The following THSD7B variants were observed in gnomAD, a reference collection of about 807,000 sequenced individuals.
THSD7B encodes the protein thrombospondin type-1 domain-containing protein 7B.
Under a neutral mutation model 213.6 loss-of-function variants are expected in THSD7B, and 138 were observed. The observed-to-expected ratio is 0.65, with a 90% confidence interval of 0.56 to 0.74. THSD7B has a LOEUF of 0.74. Ranked by LOEUF, THSD7B falls within the 30% of genes least tolerant of loss-of-function variation. The pLI is 0.00. For synonymous variants in THSD7B, 742 were observed against 687.0 expected (o/e 1.08, Z -1.25); for missense variants, 1,931 against 1,991.5 (o/e 0.97, Z 0.58).
At chr2:137,560,244 A>G (rs1272942244) in intron 15 of THSD7B, among the ~76,000 whole-genome samples, 1 of 152,176 alleles carries the variant, frequency 6.6e-6, no homozygotes, top group Non-Finnish European at 1.5e-5. Context: ...TCATGCTGCT[A>G]TAAAGACACA....
intron 3 of THSD7B, among the ~76,000 whole-genome samples, chr2:137,058,295 T>C (rs1234179465): frequency 6.6e-6 from 1 of 152,206 alleles, no homozygotes; most frequent in African/African-American, 2.4e-5. Flanking sequence ...GCCTACTTCT[T>C]TGAAGTCCAG....
At chr2:137,541,904 C>A (rs1260241797) in intron 15 of THSD7B, among the ~76,000 whole-genome samples, 2 of 151,140 alleles carry the variant, frequency 1.3e-5, no homozygotes, top group Non-Finnish European at 3.0e-5. Context: ...ATGATCTAGT[C>A]TGAGGAACAA....
chr2:137,027,175 T>C (rs1686571278), intron 2 of THSD7B, among the ~76,000 whole-genome samples: 1 of 152,236 alleles, frequency 6.6e-6, no homozygotes, highest in Non-Finnish European at 1.5e-5. Context: ...AAGCCCACAC[T>C]TCTATATTTT....
chr2:137,665,100 A>G (rs191988652), intron 26 of THSD7B, among the ~76,000 whole-genome samples: 32 of 152,322 alleles, frequency 2.1e-4, no homozygotes, highest in Admixed American at 1.7e-3. Flanking sequence ...TGCTTCCCCT[A>G]TGTGTCTGGG....
intron 15 of THSD7B, among the ~76,000 whole-genome samples, chr2:137,551,211 G>A (rs1045952501): frequency 6.6e-6 from 1 of 151,926 alleles, no homozygotes; most frequent in African/African-American, 2.4e-5. Context: ...TTAGGGCATA[G>A]CCTTTTTGTT....
chr2:137,496,478 T>C (rs2105129391), intron 15 of THSD7B, among the ~76,000 whole-genome samples: 1 of 152,322 alleles, frequency 6.6e-6, no homozygotes, highest in Non-Finnish European at 1.5e-5. Context: ...CTTTTTGTTT[T>C]GTGTGCATTT....
chr2:136,893,063 T>C (rs539155357), intron 2 of THSD7B, among the ~76,000 whole-genome samples: 1 of 152,324 alleles, frequency 6.6e-6, no homozygotes, highest in Admixed American at 6.5e-5. Context: ...ACCTATGTCA[T>C]GTCTTCCACA....
At chr2:136,993,163 G>A (rs896498727) in intron 2 of THSD7B, among the ~76,000 whole-genome samples, 2 of 152,180 alleles carry the variant, frequency 1.3e-5, no homozygotes, top group African/African-American at 4.8e-5. Context: ...AACCAAGAAG[G>A]TGCTTCAGAT....
intron 17 of THSD7B, among the ~76,000 whole-genome samples, chr2:137,593,977 G>C (rs906854664): frequency 6.6e-6 from 1 of 151,888 alleles, no homozygotes; most frequent in African/African-American, 2.4e-5. Flanking sequence ...ATTTTAGGTT[G>C]AGTCCTTTCG....
At chr2:137,191,380 ATTG>A (rs1040855339) in intron 7 of THSD7B, among the ~76,000 whole-genome samples, 7 of 151,918 alleles carry the variant, frequency 4.6e-5, no homozygotes, top group Non-Finnish European at 8.8e-5. Context: ...TTGCATTTTT[ATTG>A]TTCTCTTGCT....
At chr2:137,156,274 A>G (rs1308612728) in intron 5 of THSD7B, 1 of 152,216 alleles carries the variant, frequency 6.6e-6, no homozygotes, top group Non-Finnish European at 1.5e-5. Flanking sequence ...TGATAGAGAC[A>G]GGCTGACCCA....
intron 15 of THSD7B, among the ~76,000 whole-genome samples, chr2:137,492,517 A>G (rs1679437031): frequency 6.6e-6 from 1 of 152,196 alleles, no homozygotes; most frequent in African/African-American, 2.4e-5. Flanking sequence ...TCTGCCCTCA[A>G]TACTTTTCCT....
At chr2:137,223,125 A>G (rs1681408233) in intron 7 of THSD7B, among the ~76,000 whole-genome samples, 1 of 152,108 alleles carries the variant, frequency 6.6e-6, no homozygotes, top group Admixed American at 6.5e-5. Flanking sequence ...TAGTCCTGAA[A>G]TTCCTGAGTG....
At chr2:137,036,485 G>A (rs1463794695) in intron 2 of THSD7B, among the ~76,000 whole-genome samples, 1 of 152,086 alleles carries the variant, frequency 6.6e-6, no homozygotes, top group East Asian at 1.9e-4. Context: ...GTCAAAGACT[G>A]GTTATTCATT....
chr2:136,879,619 A>C (rs1558836020), intron 1 of THSD7B, among the ~76,000 whole-genome samples: 1 of 152,056 alleles, frequency 6.6e-6, no homozygotes, highest in Non-Finnish European at 1.5e-5. Flanking sequence ...GTTCTCCTTG[A>C]AGAGGTCCTT....
chr2:137,587,594 AG>A (rs1000996541), intron 17 of THSD7B, among the ~76,000 whole-genome samples: 4 of 152,206 alleles, frequency 2.6e-5, no homozygotes, highest in African/African-American at 9.6e-5. Context: ...AGTTTGCTGG[AG>A]GTCCACTCCA....
intron 2 of THSD7B, among the ~76,000 whole-genome samples, chr2:137,009,025 A>T (rs1686174347): frequency 6.6e-6 from 1 of 152,208 alleles, no homozygotes; most frequent in African/African-American, 2.4e-5. Flanking sequence ...GAACAGAATA[A>T]ATTAAAAATC....
At chr2:136,854,873 C>G (rs1222040852) in intron 1 of THSD7B, among the ~76,000 whole-genome samples, 1 of 152,076 alleles carries the variant, frequency 6.6e-6, no homozygotes, top group Admixed American at 6.6e-5. Context: ...TGTAGCGTCT[C>G]TCTCCCCCAT....
intron 12 of THSD7B, among the ~76,000 whole-genome samples, chr2:137,296,903 CCTCAACTGAAAAGACAT>C (rs1683478407): frequency 6.6e-6 from 1 of 151,874 alleles, no homozygotes; most frequent in Admixed American, 6.6e-5. Flanking sequence ...CTCAGTCTCT[CCTCAACTGAAAAGACAT>C]CTTCAAACTG....
Sources: allele counts gnomAD v4.1 joint callset (sites outside exome capture counted in the v4.1 genomes callset), GRCh38; gene constraint gnomAD v4.1.1; transcripts MANE v1.5; gene names NCBI Gene and HGNC (gene_info 2026-07-23, HGNC 2026-07-21).